Variants in STAT3 observed in about 807,000 individuals in gnomAD.
STAT3 encodes the protein signal transducer and activator of transcription 3.
A neutral mutation model predicts 114.3 loss-of-function variants in STAT3; 7 were observed. The observed-to-expected ratio is 0.06, with a 90% CI of 0.03 to 0.11. The LOEUF is 0.11. Ranked by LOEUF, STAT3 falls within the 10% of genes least tolerant of loss-of-function variation. STAT3 has a pLI of 1.00. For synonymous variants in STAT3, 331 were observed against 354.5 expected (o/e 0.93, Z 0.74); for missense variants, 364 against 960.9 (o/e 0.38, Z 8.21).
intron 10 of STAT3, among the ~76,000 whole-genome samples, chr17:42,332,516 T>G (rs1598412440): frequency 8.5e-6 from 1 of 117,330 alleles, no homozygotes. Context: ...CTAGCCTGGG[T>G]GATAGAGAAA....
At chr17:42,344,723 A>AC in intron 4 of STAT3, among the ~76,000 whole-genome samples, 1 of 151,168 alleles carries the variant, frequency 6.6e-6, no homozygotes, top group South Asian at 2.1e-4. Context: ...TGTCTCAAAA[A>AC]AAAAAAAAAA....
chr17:42,369,109 C>T (rs1392935720), intron 1 of STAT3, among the ~76,000 whole-genome samples: 2 of 152,042 alleles, frequency 1.3e-5, no homozygotes, highest in African/African-American at 2.4e-5. Flanking sequence ...CACGTAATCC[C>T]GGCACTTTGG....
chr17:42,323,414 G>C, intron 18 of STAT3, 60 bp from the exon 19 acceptor site: 1 of 1,587,768 alleles, frequency 6.3e-7, no homozygotes, highest in Non-Finnish European at 8.6e-7. Flanking sequence ...TCCCTTCCTA[G>C]GGGTGCAGTG....
chr17:42,346,509 G>C, intron 3 of STAT3, 60 bp downstream of exon 3: 1 of 1,610,794 alleles, frequency 6.2e-7, no homozygotes, highest in Non-Finnish European at 8.5e-7. Flanking sequence ...TTCCAGGAAA[G>C]AACACTAACA....
At position 42,348,442 on chromosome 17, in the gene STAT3, G is replaced by A; in HGVS notation, c.75C>T (p.Ser25=). The change falls in exon 2 of 24, where the codon AGC becomes AGT. Residue 25 remains serine, a synonymous_variant. Transcript: ENST00000264657. The part of the protein sequence containing the change: ...LEQLHQLYSD[S]FPMELRQFLA... ...GAAACTGCCGCAGCTCCATTGGGAAGCTGTCACTGTAGAGCTGATGGAGCT... is the reference window on the plus strand; with the variant it reads ...GAAACTGCCGCAGCTCCATTGGGAAACTGTCACTGTAGAGCTGATGGAGCT... The A allele has an allele frequency of 6.2e-7, 1 of 1,614,146 alleles. No homozygotes were observed. The highest frequency in any genetic ancestry group is 8.5e-7 in the Non-Finnish European group (1 of 1,180,038).
At chr17:42,364,040 C>T (rs1380964296) in intron 1 of STAT3, among the ~76,000 whole-genome samples, 1 of 152,118 alleles carries the variant, frequency 6.6e-6, no homozygotes, top group Non-Finnish European at 1.5e-5. Flanking sequence ...CAGCTCTCTG[C>T]TGGCAACCAC....
chr17:42,381,342 G>A (rs1023557951), intron 1 of STAT3, among the ~76,000 whole-genome samples: 4 of 152,180 alleles, frequency 2.6e-5, no homozygotes, highest in Admixed American at 1.3e-4. Flanking sequence ...ATGGCTGGGG[G>A]TAGCAGGAAG....
At chr17:42,372,628 ACAT>A (rs2084215390) in intron 1 of STAT3, among the ~76,000 whole-genome samples, 1 of 152,232 alleles carries the variant, frequency 6.6e-6, no homozygotes, top group Non-Finnish European at 1.5e-5. Context: ...TGGCAAATAT[ACAT>A]CATCACACAT....
intron 1 of STAT3, among the ~76,000 whole-genome samples, chr17:42,370,958 G>A (rs988808145): frequency 3.9e-5 from 6 of 152,080 alleles, no homozygotes; most frequent in Non-Finnish European, 7.4e-5. Flanking sequence ...TTGTACAAAA[G>A]AGTTTTCAGG....
chr17:42,322,942 T>C (rs117484644), intron 20 of STAT3, 62 bp downstream of exon 20: 7 of 1,611,822 alleles, frequency 4.3e-6, no homozygotes, highest in East Asian at 2.2e-5. Flanking sequence ...TGCTTGCAAC[T>C]AGAAGCAGTG....
Position 42,367,339 on chromosome 17 carries a change from CA to C in STAT3, c.-23-18801del, listed in dbSNP as rs770105081. ...CGGCAACAGAGCAAGATTTTGTCTC[CA>C]AAAAAAAAAAAAACCAGAGTCAGAT... On this transcript the variant is annotated intron_variant, in intron 1 of 23. Transcript: ENST00000264657. Among the ~76,000 whole-genome samples, 298 of 119,520 alleles carry C rather than the reference CA, an allele frequency of 2.5e-3. 1 individual carries two copies. The highest frequency in any genetic ancestry group is 5.7e-3 in the African/African-American group (185 of 32,636). 78.4% of individuals were successfully genotyped at this position (119,520 alleles called of 152,430 possible).
chr17:42,321,159 A>G (rs1598389659), intron 21 of STAT3, among the ~76,000 whole-genome samples: 1 of 124,066 alleles, frequency 8.1e-6, no homozygotes, highest in Non-Finnish European at 1.6e-5. Context: ...TTGCTCTGTC[A>G]CCCAGGCTGG....
At chr17:42,329,855 C>T (rs1461600841) in intron 11 of STAT3, 79 bp from the exon 12 acceptor site, 1 of 1,521,024 alleles carries the variant, frequency 6.6e-7, no homozygotes, top group African/African-American at 1.4e-5. Flanking sequence ...CTGTTATTTA[C>T]TGTCATGAAA....
At chr17:42,370,497 C>T (rs1007680106) in intron 1 of STAT3, among the ~76,000 whole-genome samples, 2 of 151,988 alleles carry the variant, frequency 1.3e-5, no homozygotes, top group African/African-American at 4.8e-5. Context: ...CTGCCCATCT[C>T]GGGTGATCTG....
At chr17:42,346,535 C>A in intron 3 of STAT3, 34 bp downstream of exon 3, 3 of 1,613,946 alleles carry the variant, frequency 1.9e-6, no homozygotes, top group South Asian at 1.1e-5. Context: ...CTCTGCGGGT[C>A]CTGTTTCTCC....
chr17:42,362,138 G>A (rs1307155859), intron 1 of STAT3, among the ~76,000 whole-genome samples: 2 of 152,132 alleles, frequency 1.3e-5, no homozygotes, highest in African/African-American at 4.8e-5. Flanking sequence ...AGGGCAATTG[G>A]GCCACACAGT....
chr17:42,317,345 T>A, intron 21 of STAT3, 121 bp from the exon 22 acceptor site: 1 of 1,208,188 alleles, frequency 8.3e-7, no homozygotes, highest in South Asian at 1.3e-5. Context: ...ATGCCAAGAT[T>A]GTCTGGAAAG....
At chr17:42,367,137 G>A (rs374549840) in intron 1 of STAT3, among the ~76,000 whole-genome samples, 2 of 151,732 alleles carry the variant, frequency 1.3e-5, no homozygotes, top group East Asian at 1.9e-4. Context: ...GCGAGACTCC[G>A]TCTCAAAAAA....
rs375028429 is a variant in STAT3 at position 42,339,311 on chromosome 17, C to G, written c.468+3G>C. On this transcript the variant is annotated splice_donor_region_variant and intron_variant, in intron 5 of 23. Coordinates refer to ENST00000264657, the MANE Select transcript of STAT3 (RefSeq NM_139276.3). ...CCTGCCCGAGGCTTGTAACTTGCATCACCTGCACTCTCTTCCGGACATCCT... is the reference window on the plus strand; with the variant it reads ...CCTGCCCGAGGCTTGTAACTTGCATGACCTGCACTCTCTTCCGGACATCCT... 1 of 1,612,424 alleles carries G rather than the reference C, an allele frequency of 6.2e-7. No homozygotes were observed. Among genetic ancestry groups the G allele is most frequent in the African/African-American group, 1.3e-5 (1 of 74,796 alleles).
Sources: allele counts gnomAD v4.1 joint callset (sites outside exome capture counted in the v4.1 genomes callset), GRCh38; gene constraint gnomAD v4.1.1; transcripts MANE v1.5; gene names NCBI Gene and HGNC (gene_info 2026-07-23, HGNC 2026-07-21).